Variants in CCDC33 observed in about 807,000 individuals in gnomAD.
The protein encoded by CCDC33 is coiled-coil domain-containing protein 33.
A neutral mutation model predicts 91.9 loss-of-function variants in CCDC33; 94 were observed. The observed-to-expected ratio is 1.02, with a 90% CI of 0.87 to 1.21. The LOEUF (loss-of-function observed/expected upper bound fraction) is 1.21. CCDC33 is among the 50% of genes most tolerant of loss of function. The pLI is 0.00. For missense variants in CCDC33, 940 were observed against 935.5 expected (o/e 1.00, Z -0.06); for synonymous variants, 396 against 374.5 (o/e 1.06, Z -0.66).
rs192503208 is a variant in CCDC33 at position 74,264,775 on chromosome 15, C to T, written c.320-1903C>T. 4.3e-3 allele frequency among the ~76,000 whole-genome samples: 660 copies of T among 152,300 alleles called. 3 individuals carry two copies. Among genetic ancestry groups the T allele is most frequent in the Admixed American group, 8.8e-3 (135 of 15,302 alleles). ...TGCACAGAATGTTACAGCTTGAAAACACACTCTTCTCCCTACAACAACCCA... is the reference window on the plus strand; with the variant it reads ...TGCACAGAATGTTACAGCTTGAAAATACACTCTTCTCCCTACAACAACCCA... On this transcript the variant is annotated intron_variant, in intron 3 of 18. Coordinates refer to ENST00000398814, the MANE Select transcript of CCDC33 (RefSeq NM_025055.5).
At chr15:74,242,073 G>A (rs943868164) in intron 1 of CCDC33, among the ~76,000 whole-genome samples, 3 of 152,182 alleles carry the variant, frequency 2.0e-5, no homozygotes, top group Non-Finnish European at 4.4e-5. Context: ...ATGAAATAAC[G>A]TTCCTAAAAC....
intron 2 of CCDC33, among the ~76,000 whole-genome samples, chr15:74,211,558 G>T (rs898512927): frequency 1.3e-5 from 2 of 152,000 alleles, no homozygotes; most frequent in African/African-American, 4.8e-5. Context: ...GCACCACCAT[G>T]CCCGGCTGAA....
At chr15:74,318,753 TG>T (rs2142799318) in intron 11 of CCDC33, 2 of 684,020 alleles carry the variant, frequency 2.9e-6, no homozygotes, top group East Asian at 5.8e-5. Flanking sequence ...CCAGTAGAGG[TG>T]TTCCCAGAGC....
upstream of CCDC33, among the ~76,000 whole-genome samples, chr15:74,233,959 C>T (rs756291980): frequency 4.1e-4 from 63 of 152,222 alleles, no homozygotes; most frequent in South Asian, 6.3e-4. Flanking sequence ...GAGGCGGGGG[C>T]GTCTCTGGAA....
At chr15:74,242,515 C>G (rs1318616225) in intron 1 of CCDC33, among the ~76,000 whole-genome samples, 1 of 152,222 alleles carries the variant, frequency 6.6e-6, no homozygotes, top group African/African-American at 2.4e-5. Context: ...AGATGAGGAA[C>G]AGCCTGCCAG....
At chr15:74,231,752 A>G (rs988398309), upstream of CCDC33, among the ~76,000 whole-genome samples, 2 of 152,144 alleles carry the variant, frequency 1.3e-5, no homozygotes, top group African/African-American at 4.8e-5. Context: ...GCGGTGGTTC[A>G]CGCCTGTAAT....
In CCDC33 at chr15:74,326,702, G is replaced by T. The variant is rs571113527; in HGVS notation, c.1291-3487G>T. 7.2e-5 allele frequency among the ~76,000 whole-genome samples: 11 copies of T among 152,362 alleles called. No homozygotes were observed. In the East Asian group the frequency reaches 2.1e-3, roughly 29 times the overall value. ...CACTAGCCTTAGGCACAATGGCTTT[G>T]GAGTCAGTCCTTCTAGAGGAGGCTA... is the stretch of plus-strand genomic sequence containing the variant. On this transcript the variant is annotated intron_variant, in intron 11 of 18. Transcript: ENST00000398814.
chr15:74,203,453 A>G (rs2074174411), intron 1 of CCDC33, among the ~76,000 whole-genome samples: 1 of 152,200 alleles, frequency 6.6e-6, no homozygotes, highest in South Asian at 2.1e-4. Context: ...CGAGAGGCAG[A>G]AGAAGGTAGA....
Position 74,207,932 on chromosome 15 carries a change from A to C in CCDC33, n.90-1456A>C. 6.9e-6 allele frequency: 10 copies of C among 1,451,674 alleles called. No homozygotes were observed. In the East Asian group the frequency reaches 1.3e-4, roughly 19 times the overall value. 89.9% of individuals were successfully genotyped at this position (1,451,674 alleles called of 1,614,324 possible). Reference sequence around the variant, plus strand: ...GCTCACGGCAGGAAGAGTATGGGTGACTCTCCACCTCCTGTCTCTCTACCT... The same window carrying C: ...GCTCACGGCAGGAAGAGTATGGGTGCCTCTCCACCTCCTGTCTCTCTACCT... On this transcript the variant is annotated intron_variant and non_coding_transcript_variant, in intron 1 of 3. Coordinates refer to the CCDC33 transcript ENST00000558645.
intron 2 of CCDC33, among the ~76,000 whole-genome samples, chr15:74,249,667 A>G (rs945019568): frequency 1.3e-5 from 2 of 152,142 alleles, no homozygotes; most frequent in Admixed American, 6.5e-5. Context: ...TATTCACCCT[A>G]TGAGGAACCG....
At chr15:74,332,954 G>A in intron 16 of CCDC33, 109 bp downstream of exon 16, 1 of 1,330,376 alleles carries the variant, frequency 7.5e-7, no homozygotes, top group East Asian at 2.4e-5. Context: ...GCTTCCCAGG[G>A]TCTCCAGTCT....
At chr15:74,335,890 G>C (rs770523186) in intron 18 of CCDC33, 35 bp from the exon 19 acceptor site, 3 of 1,511,342 alleles carry the variant, frequency 2.0e-6, no homozygotes, top group African/African-American at 2.8e-5. Flanking sequence ...CCTGGGAATG[G>C]GGGGTACTCA....
At chr15:74,290,264 G>A (rs1444119073) in intron 10 of CCDC33, among the ~76,000 whole-genome samples, 5 of 149,912 alleles carry the variant, frequency 3.3e-5, no homozygotes, top group African/African-American at 7.4e-5. Context: ...TTCAACCTCC[G>A]CCTCCTGGGT....
intron 4 of CCDC33, 21 bp from the exon 5 acceptor site, chr15:74,268,321 C>CTG: frequency 1.9e-6 from 3 of 1,572,246 alleles, no homozygotes; most frequent in Non-Finnish European, 2.6e-6. Context: ...TCTGTGTCTT[C>CTG]TGCCCCAACC....
At chr15:74,335,360 G>C in intron 18 of CCDC33, 1 of 598,652 alleles carries the variant, frequency 1.7e-6, no homozygotes, top group Non-Finnish European at 3.0e-6. Flanking sequence ...CTGTGGATGA[G>C]GGGTCCATGC....
chr15:74,262,571 A>G lies in CCDC33; in HGVS notation c.317A>G (p.Glu106Gly), dbSNP rs1299270792. The G allele has an allele frequency of 1.2e-6, 2 of 1,612,608 alleles. No homozygotes were observed. The highest frequency in any genetic ancestry group is 2.7e-5 in the African/African-American group (2 of 75,002). ...VEIQAEDAGQEDVILKVVDNR... is the reference protein window; with the variant it reads ...VEIQAEDAGQGDVILKVVDNR... ...ATCCAAGCTGAGGATGCAGGGCAAG[A>G]AGGTAAGCAGGGGCTGGGCAGGGCC... Residue 106 changes from glutamate to glycine, a missense_variant and splice_region_variant, in exon 3 of 19, where the codon GAA becomes GGA. Coordinates refer to ENST00000398814, the MANE Select transcript of CCDC33 (RefSeq NM_025055.5).
At chr15:74,261,709 A>G (rs1057427568) in intron 2 of CCDC33, among the ~76,000 whole-genome samples, 3 of 152,140 alleles carry the variant, frequency 2.0e-5, no homozygotes, top group African/African-American at 7.2e-5. Flanking sequence ...TGGATCTCCG[A>G]TATCTGTGGG....
chr15:74,251,085 G>C (rs759292418), intron 2 of CCDC33, among the ~76,000 whole-genome samples: 20 of 152,250 alleles, frequency 1.3e-4, no homozygotes, highest in Non-Finnish European at 2.4e-4. Context: ...CCTTCTCTGA[G>C]CCTCAGTCTT....
intron 1 of CCDC33, chr15:74,207,583 C>A: frequency 1.9e-6 from 2 of 1,036,810 alleles, no homozygotes; most frequent in Non-Finnish European, 2.8e-6. Context: ...AGTCCAGCAG[C>A]AAACCCAATA....
Sources: gnomAD v4.1 joint callset for allele counts (sites outside exome capture counted in the v4.1 genomes callset) on GRCh38, gnomAD v4.1.1 for gene constraint, MANE v1.5 for transcripts, NCBI Gene and HGNC (gene_info 2026-07-23, HGNC 2026-07-21) for gene names.